MIS18BP1: variants seen among roughly 807,000 people sequenced by gnomAD.
MIS18BP1 encodes MIS18 binding protein 1, also known as mis18-binding protein 1.
In MIS18BP1, 72 loss-of-function variants were observed where a neutral mutation model predicts 116.1. The observed-to-expected ratio is 0.62, with a 90% CI of 0.51 to 0.75. The LOEUF is 0.75. MIS18BP1 is among the 30% of genes least tolerant of loss of function. The pLI is 0.00. For synonymous variants in MIS18BP1, 386 were observed against 427.0 expected (o/e 0.90, Z 1.18); for missense variants, 1,363 against 1,303.2 (o/e 1.05, Z -0.71).
At chr14:45,219,866 T>C (rs1303911022) in intron 11 of MIS18BP1, among the ~76,000 whole-genome samples, 1 of 152,200 alleles carries the variant, frequency 6.6e-6, no homozygotes, top group Non-Finnish European at 1.5e-5. Flanking sequence ...CAAATAATAA[T>C]GTATTTAATA....
intron 2 of MIS18BP1, among the ~76,000 whole-genome samples, chr14:45,244,750 G>A (rs992847620): frequency 5.3e-5 from 8 of 152,146 alleles, no homozygotes; most frequent in Admixed American, 2.6e-4. Context: ...TTCAATACCT[G>A]TTTTCCATAT....
intron 7 of MIS18BP1, 176 bp downstream of exon 7, chr14:45,232,557 G>A: frequency 1.7e-6 from 1 of 587,178 alleles, no homozygotes. Context: ...CACTTTGGGA[G>A]GCTGAGACAG....
Position 45,242,226 on chromosome 14 carries a change from T to A in MIS18BP1, c.951A>T (p.Lys317Asn). 6.2e-7 allele frequency: 1 copy of A among 1,614,144 alleles called. No individual in the cohort carries two copies. The highest frequency in any genetic ancestry group is 2.2e-5 in the East Asian group (1 of 44,868). ...ERTTEGTSQQ[K>N]VKEGNGKTVP... ...CTGTTTTTCCATTTCCTTCCTTAAC[T>A]TTCTGTTGCGAAGTCCCTTCTGTTG... Residue 317 changes from lysine to asparagine, a missense_variant, in exon 4 of 17, where the codon AAA becomes AAT. Coordinates refer to ENST00000310806, the MANE Select transcript of MIS18BP1 (RefSeq NM_018353.5).
chr14:45,247,338 G>T lies in MIS18BP1; in HGVS notation c.-52C>A. 2 of 1,440,726 alleles carry T rather than the reference G, an allele frequency of 1.4e-6. No homozygotes were observed. The highest frequency in any genetic ancestry group is 1.8e-6 in the Non-Finnish European group (2 of 1,081,646). 89.2% of individuals were successfully genotyped at this position (1,440,726 alleles called of 1,614,324 possible). On this transcript the variant is annotated 5_prime_UTR_variant, in exon 2 of 17. Coordinates refer to ENST00000310806, the MANE Select transcript of MIS18BP1 (RefSeq NM_018353.5). ...CTTCTAACAGAAAATTCACTTAAGCGCAATTTTCAGATAGAACTTCAGAAG... is the reference window on the plus strand; with the variant it reads ...CTTCTAACAGAAAATTCACTTAAGCTCAATTTTCAGATAGAACTTCAGAAG...
At chr14:45,209,239 A>G (rs1015000203) in intron 14 of MIS18BP1, among the ~76,000 whole-genome samples, 13 of 152,104 alleles carry the variant, frequency 8.5e-5, no homozygotes, top group African/African-American at 2.9e-4. Flanking sequence ...ATTTACACAA[A>G]CAGTAGTATA....
At chr14:45,236,143 T>G (rs1166392170) in intron 5 of MIS18BP1, among the ~76,000 whole-genome samples, 199 bp from the exon 6 acceptor site, 1 of 152,236 alleles carries the variant, frequency 6.6e-6, no homozygotes, top group Non-Finnish European at 1.5e-5. Flanking sequence ...AAAACTATAC[T>G]GTGGCCAAAC....
chr14:45,247,246 G>C lies in MIS18BP1; in HGVS notation c.41C>G (p.Pro14Arg). Residue 14 changes from proline to arginine, a missense_variant, in exon 2 of 17, where the codon CCT (proline) becomes CGT (arginine). By Grantham distance (103) the Pro-to-Arg change is moderately radical. Coordinates refer to ENST00000310806, the MANE Select transcript of MIS18BP1 (RefSeq NM_018353.5). ...TCTCCTTTGAGAAGATGCCTCTGGA[G>C]GTAAGTAAATTCTTGAATGTTTCAA... is the stretch of plus-strand genomic sequence containing the variant. ...TPLKHSRIYL[P>R]PEASSQRRNL... The C allele has an allele frequency of 6.3e-7, 1 of 1,594,470 alleles. No homozygotes were observed. Among genetic ancestry groups the C allele is most frequent in the Non-Finnish European group, 8.5e-7 (1 of 1,174,668 alleles).
At chr14:45,210,704 AT>A (rs1566802245) in intron 13 of MIS18BP1, among the ~76,000 whole-genome samples, 176 bp from the exon 14 acceptor site, 1 of 152,232 alleles carries the variant, frequency 6.6e-6, no homozygotes, top group East Asian at 1.9e-4. Context: ...TTAGATGCTA[AT>A]TCACCATGCT....
chr14:45,248,489 G>A (rs1438981944), intron 1 of MIS18BP1, among the ~76,000 whole-genome samples: 1 of 152,082 alleles, frequency 6.6e-6, no homozygotes, highest in Non-Finnish European at 1.5e-5. Flanking sequence ...AATCCAAGGA[G>A]CCTGGAACTT....
intron 9 of MIS18BP1, among the ~76,000 whole-genome samples, 189 bp downstream of exon 9, chr14:45,227,474 G>C (rs978460269): frequency 6.6e-6 from 1 of 151,598 alleles, no homozygotes; most frequent in Non-Finnish European, 1.5e-5. Flanking sequence ...GAACCCAGGA[G>C]GCAGAGGGTG....
At position 45,242,527 on chromosome 14, in the gene MIS18BP1, A is replaced by T; in HGVS notation, c.659-9T>A. 1 of 1,563,646 alleles carries T rather than the reference A, an allele frequency of 6.4e-7. No individual in the cohort carries two copies. On this transcript the variant is annotated splice_polypyrimidine_tract_variant and intron_variant, in intron 3 of 16. Transcript: ENST00000310806. ...GTTCAGAGTTGGAAGTTCTGCAAAA[A>T]ATACAAAACAAAACAAAACAAAACA...
intron 10 of MIS18BP1, among the ~76,000 whole-genome samples, chr14:45,225,465 C>T (rs1372593839): frequency 2.0e-5 from 3 of 151,802 alleles, no homozygotes; most frequent in Non-Finnish European, 4.4e-5. Context: ...AAATCAAAGC[C>T]CTGGAGGTAA....
chr14:45,231,703 A>C (rs1891282052), intron 7 of MIS18BP1, among the ~76,000 whole-genome samples: 1 of 152,256 alleles, frequency 6.6e-6, no homozygotes, highest in South Asian at 2.1e-4. Flanking sequence ...TAGCTGCAAT[A>C]GGGGCAATAT....
chr14:45,248,818 TGCAA>T (rs1891792223), intron 1 of MIS18BP1, among the ~76,000 whole-genome samples: 1 of 152,228 alleles, frequency 6.6e-6, no homozygotes, highest in African/African-American at 2.4e-5. Flanking sequence ...ATACGAATCC[TGCAA>T]ATACATATTA....
rs761654228 is a variant in MIS18BP1 at position 45,232,359 on chromosome 14, A to G, written c.1436+374T>C. 6.4e-5 allele frequency: 12 copies of G among 188,352 alleles called. No individual in the cohort carries two copies. In the South Asian group the frequency reaches 6.6e-4, roughly 10 times the overall value. 11.7% of individuals were successfully genotyped at this position (188,352 alleles called of 1,614,324 possible). A position where few individuals can be genotyped will look rare whatever the true frequency, so the allele number is the denominator to read the frequency against. On this transcript the variant is annotated intron_variant, in intron 7 of 16. Transcript: ENST00000310806. ...GTGAACCCCAGAGGCGGAGCTTGCA[A>G]TGAGCTGAGATCGCGCCACTGCACT...
At chr14:45,250,804 A>C (rs1891848873) in intron 1 of MIS18BP1, among the ~76,000 whole-genome samples, 1 of 152,218 alleles carries the variant, frequency 6.6e-6, no homozygotes. Flanking sequence ...TCACGAGGCG[A>C]ATGACGGCGA....
Position 45,246,868 on chromosome 14 carries a change from T to G in MIS18BP1, c.419A>C (p.Gln140Pro). ...PSRNSSLLEP[Q>P]KSGNNETFTP... ...GAAGGTTTCATTATTTCCACTTTTC[T>G]GTGGTTCCAACAAACTACTGTTTCT... is the stretch of plus-strand genomic sequence containing the variant. Residue 140 changes from glutamine to proline, a missense_variant, in exon 2 of 17, where the codon CAG becomes CCG. Physicochemically the swap from Gln to Pro is moderately conservative, Grantham distance 76. Coordinates refer to ENST00000310806, the MANE Select transcript of MIS18BP1 (RefSeq NM_018353.5). 5 of 1,612,782 alleles carry G rather than the reference T, an allele frequency of 3.1e-6. No homozygotes were observed. The highest frequency in any genetic ancestry group is 3.4e-6 in the Non-Finnish European group (4 of 1,179,740).
chr14:45,250,782 G>A (rs1891847949), intron 1 of MIS18BP1, among the ~76,000 whole-genome samples: 1 of 151,936 alleles, frequency 6.6e-6, no homozygotes, highest in African/African-American at 2.4e-5. Flanking sequence ...AGCACTTTGG[G>A]AGGCCAAGTG....
chr14:45,207,229 A>G (rs1384196693), intron 14 of MIS18BP1, among the ~76,000 whole-genome samples: 1 of 152,198 alleles, frequency 6.6e-6, no homozygotes, highest in African/African-American at 2.4e-5. Context: ...AAGATCTTAC[A>G]TACCTGAGTA....
Sources: gnomAD v4.1 joint callset for allele counts (sites outside exome capture counted in the v4.1 genomes callset) on GRCh38, gnomAD v4.1.1 for gene constraint, MANE v1.5 for transcripts, NCBI Gene and HGNC (gene_info 2026-07-23, HGNC 2026-07-21) for gene names.